CEP126: variants seen among roughly 807,000 people sequenced by gnomAD.
CEP126 encodes the protein centrosomal protein of 126 kDa.
In CEP126, 74 loss-of-function variants were observed where a neutral mutation model predicts 107.8. The observed-to-expected ratio is 0.69, with a 90% CI of 0.57 to 0.83. The LOEUF is 0.83. Ranked by LOEUF, CEP126 falls within the 40% of genes least tolerant of loss-of-function variation. CEP126 has a pLI of 0.00. For synonymous variants in CEP126, 449 were observed against 446.0 expected (o/e 1.01, Z -0.08); for missense variants, 1,237 against 1,281.9 (o/e 0.96, Z 0.53).
At chr11:101,941,720 A>G (rs1047708981) in intron 2 of CEP126, among the ~76,000 whole-genome samples, 1 of 152,132 alleles carries the variant, frequency 6.6e-6, no homozygotes, top group African/African-American at 2.4e-5. Flanking sequence ...CAGCATACCA[A>G]TTTCCACAGC....
At chr11:101,975,252 G>A (rs765006696) in intron 6 of CEP126, among the ~76,000 whole-genome samples, 1 of 152,084 alleles carries the variant, frequency 6.6e-6, no homozygotes, top group African/African-American at 2.4e-5. Flanking sequence ...TGAAATCAAC[G>A]ACTGGTAACC....
At chr11:101,948,000 C>A in intron 3 of CEP126, 31 bp from the exon 4 acceptor site, 1 of 1,252,702 alleles carries the variant, frequency 8.0e-7, no homozygotes, top group Non-Finnish European at 1.2e-6. Flanking sequence ...TAAAGTGATT[C>A]TGTACTGTTC....
Position 101,963,514 on chromosome 11 carries a change from G to GA in CEP126, c.2483dup (p.Asn828LysfsTer9). On this transcript the variant is annotated frameshift_variant, in exon 6 of 11. Transcript: ENST00000263468. LOFTEE classifies it high-confidence loss of function. ...GTCTCAGTGTCAACCAGTAACTCCT[G>GA]AAAATCCTCAAAACATTATTACACA... 6.2e-7 allele frequency: 1 copy of GA among 1,613,990 alleles called. No homozygotes were observed. The highest frequency in any genetic ancestry group is 8.5e-7 in the Non-Finnish European group (1 of 1,179,956).
At chr11:101,956,668 T>C (rs1424291312) in intron 4 of CEP126, 1 of 456,200 alleles carries the variant, frequency 2.2e-6, no homozygotes, top group African/African-American at 2.0e-5. Context: ...TCCCTCTTTT[T>C]TCCTCTCCTT....
Position 101,962,465 on chromosome 11 carries a change from A to G in CEP126, c.1430A>G (p.Lys477Arg), listed in dbSNP as rs1168446288. ...SNIQSARPSA[K>R]NSIHIKEIDA... ...ATACAGTCAGCTAGACCTTCAGCAAAGAACAGTATACACATAAAAGAAATT... is the reference window on the plus strand; with the variant it reads ...ATACAGTCAGCTAGACCTTCAGCAAGGAACAGTATACACATAAAAGAAATT... Residue 477 changes from lysine to arginine, a missense_variant, in exon 6 of 11, where the codon AAG becomes AGG. Around this residue, in one of 3 missense-constraint regions of CEP126, gnomAD observed 1,134 missense variants for 1,150.5 expected, o/e 0.99. Coordinates refer to ENST00000263468, the MANE Select transcript of CEP126 (RefSeq NM_020802.4). 6.2e-7 allele frequency: 1 copy of G among 1,613,654 alleles called. No individual in the cohort carries two copies. The highest frequency in any genetic ancestry group is 1.3e-5 in the African/African-American group (1 of 75,046).
intron 9 of CEP126, among the ~76,000 whole-genome samples, chr11:101,991,200 A>G (rs1399235158): frequency 1.3e-5 from 2 of 151,926 alleles, no homozygotes; most frequent in Admixed American, 1.3e-4. Context: ...AAATAAACAA[A>G]CAGCTCAAAT....
At chr11:101,988,094 A>G (rs1163886155) in intron 9 of CEP126, among the ~76,000 whole-genome samples, 1 of 152,220 alleles carries the variant, frequency 6.6e-6, no homozygotes, top group Non-Finnish European at 1.5e-5. Flanking sequence ...GGCACAAACT[A>G]TAAATAACTA....
chr11:101,927,516 C>T (rs1940431236), intron 2 of CEP126, among the ~76,000 whole-genome samples: 1 of 152,168 alleles, frequency 6.6e-6, no homozygotes, highest in South Asian at 2.1e-4. Flanking sequence ...GTTCCATCAC[C>T]ACAAAGATCC....
chr11:101,963,712 A>G lies in CEP126; in HGVS notation c.2677A>G (p.Asn893Asp). 6.2e-7 allele frequency: 1 copy of G among 1,614,050 alleles called. No homozygotes were observed. Among genetic ancestry groups the G allele is most frequent in the Non-Finnish European group, 8.5e-7 (1 of 1,180,018 alleles). Residue 893 changes from asparagine to aspartate, a missense_variant, in exon 6 of 11, where the codon AAT (asparagine) becomes GAT (aspartate). By Grantham distance (23) the Asn-to-Asp change is conservative. Around this residue, in one of 3 missense-constraint regions of CEP126, gnomAD observed 1,134 missense variants for 1,150.5 expected, o/e 0.99. Transcript: ENST00000263468. ...AACTTTCGCAAAAATAAATCATTCA[A>G]ATGGCACTCAAGCAGTTGCCCGGCA... ...CQTFAKINHS[N>D]GTQAVARQDA... is the part of the protein sequence containing the mutation.
rs528000466 is a variant in CEP126 at position 101,984,033 on chromosome 11, G to C, written c.3034+2069G>C. On this transcript the variant is annotated intron_variant, in intron 8 of 10. Coordinates refer to ENST00000263468, the MANE Select transcript of CEP126 (RefSeq NM_020802.4). ...TGACAACTGTTCTTTTCATCCTCCA[G>C]CTGAAATTCTCATCAAAAATAATCT... Among the ~76,000 whole-genome samples, 4 of 152,286 alleles carry C rather than the reference G, an allele frequency of 2.6e-5. No homozygotes were observed. The East Asian group carries it at 7.7e-4, about 29-fold the overall frequency.
intron 4 of CEP126, chr11:101,955,707 A>G (rs1940877029): frequency 2.8e-6 from 1 of 362,976 alleles, no homozygotes; most frequent in Non-Finnish European, 5.4e-6. Flanking sequence ...TCAAAAGCCT[A>G]GAGGCAGCCC....
chr11:101,974,472 CAT>C (rs1300255285), intron 6 of CEP126, among the ~76,000 whole-genome samples: 1 of 152,084 alleles, frequency 6.6e-6, no homozygotes, highest in Non-Finnish European at 1.5e-5. Context: ...TTCAGCTCAG[CAT>C]AAGGAAGGAT....
At position 101,944,387 on chromosome 11, in the gene CEP126, C is replaced by T. The variant is rs1940708445; in HGVS notation, c.371C>T (p.Pro124Leu). The part of the protein sequence containing the change: ...VTEKFQRAHV[P>L]LSQRRKAVSR... ...GAAAAATTCCAGCGTGCCCATGTTC[C>T]TCTTTCACAGCGGAGGAAAGCAGGT... The change falls in exon 3 of 11, where the codon CCT becomes CTT. Residue 124 changes from proline (P) to leucine (L), a missense_variant. Physicochemically the swap from Pro to Leu is moderately conservative, Grantham distance 98. Around this residue, in one of 3 missense-constraint regions of CEP126, gnomAD observed 1,134 missense variants for 1,150.5 expected, o/e 0.99. Coordinates refer to ENST00000263468, the MANE Select transcript of CEP126 (RefSeq NM_020802.4). 1 of 1,610,584 alleles carries T rather than the reference C, an allele frequency of 6.2e-7. No homozygotes were observed. Among genetic ancestry groups the T allele is most frequent in the Non-Finnish European group, 8.5e-7 (1 of 1,178,782 alleles).
chr11:101,939,747 G>A (rs1940639678), intron 2 of CEP126, among the ~76,000 whole-genome samples: 3 of 152,172 alleles, frequency 2.0e-5, no homozygotes, highest in Admixed American at 2.0e-4. Context: ...TCAGATATGA[G>A]ATATTACCAA....
chr11:101,973,432 C>T (rs746194805), intron 6 of CEP126, among the ~76,000 whole-genome samples: 3 of 152,084 alleles, frequency 2.0e-5, no homozygotes, highest in Admixed American at 6.6e-5. Context: ...AATCAAACAC[C>T]GCATGTTCTC....
intron 7 of CEP126, among the ~76,000 whole-genome samples, chr11:101,981,455 G>A (rs1941253205): frequency 1.3e-5 from 2 of 151,958 alleles, no homozygotes; most frequent in African/African-American, 4.8e-5. Flanking sequence ...CACAACTCCT[G>A]GCTAATTTTT....
chr11:102,000,307 G>A lies in CEP126; in HGVS notation c.*2664G>A, dbSNP rs370324594. ...CTAAGGAAGAAAAGAGTCTCCTTTC[G>A]AATGTGAAGAAGTAAATTTAGAGGA... On this transcript the variant is annotated 3_prime_UTR_variant, in exon 11 of 11. Coordinates refer to ENST00000263468, the MANE Select transcript of CEP126 (RefSeq NM_020802.4). The A allele has an allele frequency of 3.3e-5, 5 of 152,114 alleles. No homozygotes were observed. The highest frequency in any genetic ancestry group is 6.5e-5 in the Admixed American group (1 of 15,276). 9.4% of individuals were successfully genotyped at this position (152,114 alleles called of 1,614,324 possible). A position where few individuals can be genotyped will look rare whatever the true frequency, so the allele number is the denominator to read the frequency against.
chr11:101,937,688 G>T (rs369036713), intron 2 of CEP126, among the ~76,000 whole-genome samples: 5 of 152,036 alleles, frequency 3.3e-5, no homozygotes, highest in African/African-American at 1.2e-4. Context: ...TTTGAAAATG[G>T]TTGTGTATGA....
At position 101,962,747 on chromosome 11, in the gene CEP126, G is replaced by T. The variant is rs1482716593; in HGVS notation, c.1712G>T (p.Gly571Val). ...KMKYNIHERN[G>V]VRFLKSILKK... ...AAATACAACATCCATGAGAGAAATG[G>T]TGTGAGATTTCTTAAAAGTATTTTA... The change falls in exon 6 of 11, where the codon GGT becomes GTT. Residue 571 changes from glycine to valine, a missense_variant. Gly to Val is a moderately radical substitution (Grantham distance 109, BLOSUM62 -3). Transcript: ENST00000263468. 6.2e-7 allele frequency: 1 copy of T among 1,609,700 alleles called. No homozygotes were observed. The highest frequency in any genetic ancestry group is 1.7e-5 in the Admixed American group (1 of 59,194).
Sources: gnomAD v4.1 joint callset for allele counts (sites outside exome capture counted in the v4.1 genomes callset) on GRCh38, gnomAD v4.1.1 for gene constraint, gnomAD v4.1.1 regional missense constraint, MANE v1.5 for transcripts, NCBI Gene and HGNC (gene_info 2026-07-23, HGNC 2026-07-21) for gene names.